The following PROM1 variants were observed in gnomAD, a reference collection of about 807,000 sequenced individuals.
PROM1 encodes the protein prominin 1, also known as prominin-1.
PROM1 carries 105 observed loss-of-function variants against 116.9 expected under a neutral mutation model. The ratio of observed to expected loss-of-function variants is 0.90; its 90% confidence interval spans 0.77 to 1.06. PROM1 has a LOEUF of 1.06. PROM1 is among the 50% of genes least tolerant of loss of function. PROM1 has a pLI of 0.00. For synonymous variants in PROM1, 393 were observed against 387.0 expected, an observed-to-expected ratio of 1.02 and a Z score of -0.18; for missense variants, 1,122 against 1,045.2, an observed-to-expected ratio of 1.07 and a Z score of -1.01.
Position 16,023,410 on chromosome 4 carries a change from T to C in PROM1, c.700A>G (p.Asn234Asp). The C allele has an allele frequency of 1.9e-6, 3 of 1,596,570 alleles. No individual in the cohort carries two copies. Among genetic ancestry groups the C allele is most frequent in the Non-Finnish European group, 2.6e-6 (3 of 1,169,306 alleles). Residue 234 changes from asparagine to aspartate, a missense_variant, in exon 8 of 28, where the codon AAT (asparagine) becomes GAT (aspartate). By Grantham distance (23) the Asn-to-Asp change is conservative. Transcript: ENST00000447510. The stretch of plus-strand genomic sequence containing the variant: ...AGAATTCCGCCTCCTAGCACTGAAT[T>C]GATACCTACATGCAAATAAGCACAA... ...DKAFTDLNSI[N>D]SVLGGGILDR... is the part of the protein sequence containing the mutation.
intron 24 of PROM1, 200 bp downstream of exon 24, chr4:15,980,222 A>T: frequency 3.0e-6 from 2 of 656,276 alleles, no homozygotes; most frequent in Non-Finnish European, 5.4e-6. Context: ...AAGCAAGAGG[A>T]AAAAAGTAGT....
At chr4:15,982,751 G>A (rs532811525) in intron 23 of PROM1, among the ~76,000 whole-genome samples, 20 of 152,160 alleles carry the variant, frequency 1.3e-4, no homozygotes, top group Non-Finnish European at 2.5e-4. Flanking sequence ...CCTAATGAAG[G>A]CTTCAGCCAA....
Position 16,025,329 on chromosome 4 carries a change from A to C in PROM1, c.510-17T>G. ...ATGCCAATGCTGCAGGAAAAGGCAG[A>C]GAGAAGAAAGAGCATTTACTGTGTG... is the stretch of plus-strand genomic sequence containing the variant. On this transcript the variant is annotated splice_polypyrimidine_tract_variant and intron_variant, in intron 5 of 27. Coordinates refer to ENST00000447510, the MANE Select transcript of PROM1 (RefSeq NM_006017.3). 1.2e-6 allele frequency: 2 copies of C among 1,613,012 alleles called. No homozygotes were observed. The highest frequency in any genetic ancestry group is 1.7e-6 in the Non-Finnish European group (2 of 1,179,224).
At chr4:15,998,008 CT>C (rs1722755821) in intron 15 of PROM1, among the ~76,000 whole-genome samples, 1 of 152,222 alleles carries the variant, frequency 6.6e-6, no homozygotes, top group Non-Finnish European at 1.5e-5. Context: ...TGCCTTCCCC[CT>C]ATCAGTGATC....
rs16892734 is a variant in PROM1, at chr4:15,985,725, C to T, written c.2280+35G>A. The T allele has an allele frequency of 0.025, 33,879 of 1,377,142 alleles. 985 individuals are homozygous for T. The highest frequency in any genetic ancestry group is 0.12 in the East Asian group (5,168 of 43,340). 85.3% of individuals were successfully genotyped at this position (1,377,142 alleles called of 1,614,324 possible). On this transcript the variant is annotated intron_variant, in intron 22 of 27. Transcript: ENST00000447510. Reference sequence around the variant, plus strand: ...AGAAAATGGCTATCCTGAAACTTGACCCCCCTTAACATTCATAAAAGATAA... The same window carrying T: ...AGAAAATGGCTATCCTGAAACTTGATCCCCCTTAACATTCATAAAAGATAA...
intron 2 of PROM1, among the ~76,000 whole-genome samples, chr4:16,049,695 G>A (rs1373398158): frequency 7.3e-5 from 11 of 151,552 alleles, no homozygotes; most frequent in Admixed American, 7.2e-4. Context: ...TACTGAATAA[G>A]AGGACTCTGA....
At chr4:16,034,221 TA>T (rs1435078527) in intron 4 of PROM1, among the ~76,000 whole-genome samples, 1 of 152,150 alleles carries the variant, frequency 6.6e-6, no homozygotes, top group African/African-American at 2.4e-5. Flanking sequence ...GGCAAACAAT[TA>T]CTCAAGAATC....
intron 16 of PROM1, among the ~76,000 whole-genome samples, chr4:15,993,100 T>C (rs897319580): frequency 6.6e-6 from 1 of 152,234 alleles, no homozygotes; most frequent in Non-Finnish European, 1.5e-5. Flanking sequence ...ATGGACTATT[T>C]AGGGAAGATA....
chr4:16,072,258 T>C (rs1742983839), intron 2 of PROM1, among the ~76,000 whole-genome samples: 1 of 152,174 alleles, frequency 6.6e-6, no homozygotes. Flanking sequence ...AAGAAGGGTT[T>C]CTCTTAGAGT....
chr4:16,057,200 T>A (rs1256820046), intron 2 of PROM1, among the ~76,000 whole-genome samples: 2 of 152,178 alleles, frequency 1.3e-5, no homozygotes, highest in Non-Finnish European at 2.9e-5. Context: ...ATCTGGCACA[T>A]AAAACTCAGC....
At chr4:16,018,573 T>A (rs1729023924) in intron 8 of PROM1, 33 bp from the exon 9 acceptor site, 1 of 1,557,924 alleles carries the variant, frequency 6.4e-7, no homozygotes, top group Non-Finnish European at 8.7e-7. Flanking sequence ...AGAACACACA[T>A]GCCAAGTCCC....
chr4:15,972,386 G>A lies in PROM1; in HGVS notation c.2583-1304C>T, dbSNP rs552276262. Among the ~76,000 whole-genome samples the A allele has an allele frequency of 1.6e-4, 24 of 152,278 alleles. No individual in the cohort carries two copies. In the East Asian group the frequency reaches 1.9e-3, roughly 12 times the overall value. On this transcript the variant is annotated intron_variant, in intron 26 of 27. Transcript: ENST00000447510. ...GGCATCTGGTGAGGGCTTTCATGAC[G>A]CATCATCCCATAATGGAAGGGCAAA...
chr4:16,029,059 A>G (rs1732054261), intron 5 of PROM1, among the ~76,000 whole-genome samples: 1 of 152,238 alleles, frequency 6.6e-6, no homozygotes, highest in Non-Finnish European at 1.5e-5. Context: ...AAATGCTTTC[A>G]GTCTATAACA....
At chr4:16,055,810 T>C (rs1738872987) in intron 2 of PROM1, among the ~76,000 whole-genome samples, 1 of 152,206 alleles carries the variant, frequency 6.6e-6, no homozygotes, top group Admixed American at 6.5e-5. Flanking sequence ...ACAGACCTTC[T>C]GGTGGATTGA....
At chr4:16,014,047 G>C (rs945713015) in intron 10 of PROM1, among the ~76,000 whole-genome samples, 18 of 152,198 alleles carry the variant, frequency 1.2e-4, no homozygotes, top group Non-Finnish European at 2.2e-4. Context: ...GGGCTTTGGG[G>C]CTAAACCCCC....
At chr4:16,047,680 A>T (rs1394943791) in intron 2 of PROM1, among the ~76,000 whole-genome samples, 1 of 152,184 alleles carries the variant, frequency 6.6e-6, no homozygotes, top group Non-Finnish European at 1.5e-5. Context: ...CATCTACTAT[A>T]GCCTGGCCTA....
intron 2 of PROM1, among the ~76,000 whole-genome samples, chr4:16,044,123 A>T (rs1359746931): frequency 6.6e-6 from 1 of 152,234 alleles, no homozygotes; most frequent in Non-Finnish European, 1.5e-5. Flanking sequence ...AGTAAGCTAA[A>T]ATAAGAAATG....
intron 18 of PROM1, among the ~76,000 whole-genome samples, chr4:15,990,696 C>A (rs942746725): frequency 6.6e-6 from 1 of 152,082 alleles, no homozygotes; most frequent in African/African-American, 2.4e-5. Context: ...TGAAGACTGG[C>A]GGAAACCAGA....
In PROM1 at chr4:16,033,488, T is replaced by C. The variant is rs748024085; in HGVS notation, c.325A>G (p.Ile109Val). The C allele has an allele frequency of 6.2e-7, 1 of 1,604,680 alleles. No individual in the cohort carries two copies. Among genetic ancestry groups the C allele is most frequent in the Admixed American group, 1.7e-5 (1 of 58,968 alleles). The change falls in exon 5 of 28, where the codon ATT becomes GTT. Residue 109 changes from isoleucine to valine, a missense_variant. Transcript: ENST00000447510. ...GLKIVYYEAG[I>V]ILCCVLGLLF... is the part of the protein sequence containing the mutation. ...AGCCCCAGGACACAGCATAGAATAA[T>C]CCCTGCTTCATAGTAGACAATCTGC... is the stretch of plus-strand genomic sequence containing the variant.
Sources: gnomAD v4.1 joint callset for allele counts (sites outside exome capture counted in the v4.1 genomes callset) on GRCh38, gnomAD v4.1.1 for gene constraint, MANE v1.5 for transcripts, NCBI Gene and HGNC (gene_info 2026-07-23, HGNC 2026-07-21) for gene names.